Variants in ANK2 observed in about 807,000 individuals in gnomAD.
The protein encoded by ANK2 is ankyrin 2, also known as ankyrin-2.
In ANK2, 83 loss-of-function variants were observed where a neutral mutation model predicts 360.5. The ratio of observed to expected loss-of-function variants is 0.23; its 90% CI spans 0.19 to 0.28. The LOEUF (loss-of-function observed/expected upper bound fraction) is 0.28. Ranked by LOEUF, ANK2 falls within the 10% of genes least tolerant of loss-of-function variation. The pLI is 1.00. For synonymous variants in ANK2, 1,740 were observed against 1,759.5 expected, an observed-to-expected ratio of 0.99 and a Z score of 0.28; for missense variants, 4,201 against 4,795.7, an observed-to-expected ratio of 0.88 and a Z score of 3.66.
intron 10 of ANK2, among the ~76,000 whole-genome samples, 157 bp from the exon 11 acceptor site, chr4:113,255,578 G>A (rs539300563): frequency 3.3e-5 from 5 of 151,810 alleles, no homozygotes; most frequent in East Asian, 1.9e-4. Context: ...TCATCTCTGC[G>A]AAATATAGTC....
the ANK2 span, among the ~76,000 whole-genome samples, chr4:112,737,446 C>T: frequency 2.0e-5 from 3 of 152,218 alleles, no homozygotes; most frequent in African/African-American, 7.2e-5. Context: ...TTATCAGTTG[C>T]TGCATAACAA....
intron 2 of ANK2, among the ~76,000 whole-genome samples, chr4:113,039,282 G>T (rs1399752522): frequency 1.3e-5 from 2 of 151,402 alleles, no homozygotes; most frequent in Non-Finnish European, 2.9e-5. Context: ...TATTATCTTT[G>T]GTTTCCACCA....
At chr4:112,762,757 G>A in the ANK2 span, among the ~76,000 whole-genome samples, 5 of 152,196 alleles carry the variant, frequency 3.3e-5, no homozygotes, top group Admixed American at 6.5e-5. Flanking sequence ...TGATCCACCC[G>A]CCTTGGCCTC....
chr4:112,894,272 G>A (rs2081077020), intron 1 of ANK2, among the ~76,000 whole-genome samples: 1 of 152,156 alleles, frequency 6.6e-6, no homozygotes, highest in South Asian at 2.1e-4. Context: ...CTGTCCTTGA[G>A]AAATTCAGTC....
intron 1 of ANK2, among the ~76,000 whole-genome samples, chr4:113,111,505 A>C (rs183935527): frequency 6.6e-6 from 1 of 152,298 alleles, no homozygotes; most frequent in African/African-American, 2.4e-5. Flanking sequence ...ACCACAATTC[A>C]GTGCTTTTCA....
chr4:113,235,300 A>G (rs1318449269), intron 5 of ANK2, among the ~76,000 whole-genome samples: 1 of 152,140 alleles, frequency 6.6e-6, no homozygotes, highest in Non-Finnish European at 1.5e-5. Context: ...TTAAGATACT[A>G]CATGCTTTAC....
At chr4:112,983,787 G>C (rs2043930279) in intron 2 of ANK2, among the ~76,000 whole-genome samples, 1 of 152,124 alleles carries the variant, frequency 6.6e-6, no homozygotes, top group South Asian at 2.1e-4. Context: ...AGAAGGTAGG[G>C]TGAGATGGAG....
intron 2 of ANK2, among the ~76,000 whole-genome samples, chr4:113,193,797 A>G (rs1264523787): frequency 6.6e-6 from 1 of 152,100 alleles, no homozygotes; most frequent in African/African-American, 2.4e-5. Context: ...TTTTCTCTCT[A>G]TCTCTTTCTT....
intron 1 of ANK2, among the ~76,000 whole-genome samples, chr4:113,073,028 C>A (rs1330555191): frequency 8.2e-6 from 1 of 121,322 alleles, no homozygotes; most frequent in Non-Finnish European, 1.6e-5. Flanking sequence ...GTGGTGCAAT[C>A]TCAGCTCACT....
chr4:113,079,889 C>A (rs2081620343), intron 1 of ANK2, among the ~76,000 whole-genome samples: 1 of 130,860 alleles, frequency 7.6e-6, no homozygotes, highest in African/African-American at 2.9e-5. Context: ...CCTGTTATCA[C>A]CCTGAGAATT....
At chr4:113,051,386 A>T (rs2066924614) in intron 1 of ANK2, among the ~76,000 whole-genome samples, 1 of 152,196 alleles carries the variant, frequency 6.6e-6, no homozygotes, top group African/African-American at 2.4e-5. Flanking sequence ...CTAACTTCAC[A>T]TGACCAAAGC....
chr4:112,935,555 G>A (rs187296912), intron 2 of ANK2, among the ~76,000 whole-genome samples: 2 of 152,108 alleles, frequency 1.3e-5, no homozygotes, highest in African/African-American at 2.4e-5. Flanking sequence ...TGAGAGTCTT[G>A]CACAGTTAAT....
At chr4:113,237,727 T>A in intron 7 of ANK2, 105 bp downstream of exon 7, 1 of 1,066,640 alleles carries the variant, frequency 9.4e-7, no homozygotes, top group East Asian at 2.4e-5. Flanking sequence ...GAAGTTTGAT[T>A]AATGGGAAAT....
intron 1 of ANK2, among the ~76,000 whole-genome samples, chr4:112,877,476 A>G (rs112417880): frequency 6.6e-6 from 1 of 152,140 alleles, no homozygotes; most frequent in Admixed American, 6.5e-5. Context: ...CAGCCTCTCA[A>G]AGTGCTGGGA....
chr4:113,328,270 A>AG (rs2091057439), intron 26 of ANK2, among the ~76,000 whole-genome samples: 3 of 152,152 alleles, frequency 2.0e-5, no homozygotes. Flanking sequence ...GAAAAAAAAA[A>AG]CAAAGGAAAT....
chr4:112,742,172 C>G, the ANK2 span, among the ~76,000 whole-genome samples: 2 of 152,058 alleles, frequency 1.3e-5, no homozygotes, highest in Non-Finnish European at 2.9e-5. Context: ...GTCCCAGCTA[C>G]TTGGGAGGCT....
At chr4:113,052,964 ACTAAAG>A (rs1380915101) in intron 1 of ANK2, among the ~76,000 whole-genome samples, 1 of 152,244 alleles carries the variant, frequency 6.6e-6, no homozygotes, top group African/African-American at 2.4e-5. Flanking sequence ...CTAGAGCGTT[ACTAAAG>A]CTATAGTTGT....
the ANK2 span, among the ~76,000 whole-genome samples, chr4:112,777,187 C>T: frequency 6.6e-6 from 1 of 152,126 alleles, no homozygotes; most frequent in Admixed American, 6.6e-5. Flanking sequence ...GTAAGGCTTA[C>T]ATGTGCAAAA....
chr4:113,013,008 T>C (rs951008178), intron 2 of ANK2, among the ~76,000 whole-genome samples: 1 of 152,162 alleles, frequency 6.6e-6, no homozygotes, highest in Non-Finnish European at 1.5e-5. Flanking sequence ...GAATATCTAA[T>C]CAGGTTGCAT....
Sources: gnomAD v4.1 joint callset for allele counts (sites outside exome capture counted in the v4.1 genomes callset) on GRCh38, gnomAD v4.1.1 for gene constraint, MANE v1.5 for transcripts, NCBI Gene and HGNC (gene_info 2026-07-23, HGNC 2026-07-21) for gene names.